The following GPR157 variants were observed in gnomAD, a reference collection of about 807,000 sequenced individuals.
GPR157 encodes the protein G protein-coupled receptor 157.
GPR157 carries 16 observed loss-of-function variants against 23.5 expected under a neutral mutation model. The ratio of observed to expected loss-of-function variants is 0.68; its 90% CI spans 0.46 to 1.04. The LOEUF is 1.04. GPR157 is among the 50% of genes least tolerant of loss of function. The pLI is 0.00. For missense variants in GPR157, 440 were observed against 460.7 expected, an observed-to-expected ratio of 0.96 and a Z score of 0.41; for synonymous variants, 200 against 221.5, an observed-to-expected ratio of 0.90 and a Z score of 0.86.
At chr1:9,106,824 T>G (rs770493491) in intron 2 of GPR157, among the ~76,000 whole-genome samples, 10 of 152,182 alleles carry the variant, frequency 6.6e-5, no homozygotes, top group South Asian at 2.1e-4. Flanking sequence ...ATTAGCTGGT[T>G]GTTGTGGCAC....
At chr1:9,109,835 C>T (rs1638436049) in intron 2 of GPR157, among the ~76,000 whole-genome samples, 2 of 152,086 alleles carry the variant, frequency 1.3e-5, no homozygotes, top group Admixed American at 6.6e-5. Flanking sequence ...AAGGTCTTGA[C>T]GCGAGAAGAC....
intron 1 of GPR157, among the ~76,000 whole-genome samples, chr1:9,121,567 G>T (rs932113498): frequency 6.6e-6 from 1 of 151,972 alleles, no homozygotes; most frequent in African/African-American, 2.4e-5. Flanking sequence ...TTGAACCCAG[G>T]AAGTGGAAGC....
chr1:9,123,797 T>C (rs190652489), intron 1 of GPR157, among the ~76,000 whole-genome samples: 1,999 of 130,280 alleles, frequency 0.015, 59 homozygotes, highest in Middle Eastern at 0.03. Flanking sequence ...TTTAATATTA[T>C]ATATATATAA....
chr1:9,116,860 A>G (rs1014681866), intron 1 of GPR157, among the ~76,000 whole-genome samples: 1 of 151,786 alleles, frequency 6.6e-6, no homozygotes, highest in South Asian at 2.1e-4. Context: ...TCTCACCTCA[A>G]CCTCCTGAGT....
chr1:9,126,252 C>T (rs1638961293), intron 1 of GPR157, among the ~76,000 whole-genome samples: 1 of 152,224 alleles, frequency 6.6e-6, no homozygotes, highest in African/African-American at 2.4e-5. Flanking sequence ...AGCCACCGTG[C>T]CCAACTCTGC....
intron 1 of GPR157, among the ~76,000 whole-genome samples, chr1:9,113,952 A>AC: frequency 8.4e-6 from 1 of 119,696 alleles, no homozygotes; most frequent in Non-Finnish European, 1.7e-5. Flanking sequence ...CAAAAAAAAA[A>AC]CCAAACACAC....
intron 1 of GPR157, among the ~76,000 whole-genome samples, chr1:9,116,730 GAAA>G (rs70985593): frequency 1.6e-5 from 2 of 122,554 alleles, no homozygotes; most frequent in African/African-American, 6.1e-5. Flanking sequence ...GGTGACAGAG[GAAA>G]AAAAAAAAAA....
intron 1 of GPR157, among the ~76,000 whole-genome samples, chr1:9,117,256 C>T (rs1298860258): frequency 6.6e-6 from 1 of 152,072 alleles, no homozygotes; most frequent in Non-Finnish European, 1.5e-5. Context: ...CACTAGCAGA[C>T]ATAGGATAAA....
intron 2 of GPR157, among the ~76,000 whole-genome samples, chr1:9,109,223 T>C (rs990565874): frequency 2.0e-5 from 3 of 150,878 alleles, no homozygotes; most frequent in African/African-American, 7.3e-5. Context: ...GCTGGGATTC[T>C]AGGCACCTGC....
At chr1:9,106,433 A>G (rs1356571272) in intron 2 of GPR157, among the ~76,000 whole-genome samples, 2 of 151,964 alleles carry the variant, frequency 1.3e-5, no homozygotes, top group Non-Finnish European at 2.9e-5. Flanking sequence ...TCCCCACTCC[A>G]CATGCTCCTT....
chr1:9,127,464 C>T (rs982021377), intron 1 of GPR157, among the ~76,000 whole-genome samples: 1 of 152,206 alleles, frequency 6.6e-6, no homozygotes, highest in African/African-American at 2.4e-5. Context: ...CCAGCCATCA[C>T]GGGACCCAGA....
intron 1 of GPR157, among the ~76,000 whole-genome samples, chr1:9,125,921 T>C (rs554432538): frequency 6.6e-6 from 1 of 151,928 alleles, no homozygotes; most frequent in East Asian, 1.9e-4. Context: ...AATAATACTG[T>C]AGAAAAATGC....
At chr1:9,111,049 C>T (rs1431347235) in intron 2 of GPR157, 1 of 598,170 alleles carries the variant, frequency 1.7e-6, no homozygotes, top group Non-Finnish European at 3.1e-6. Flanking sequence ...AAAGGAGTAA[C>T]AGGACCCGGC....
rs1053314206 is a variant in GPR157, at chr1:9,100,734, G to A, written c.*3685C>T. ...ATTAACCACACTAACAGAGGAGAAA[G>A]AAGCCCACTGGGGCTGTGCAAAGTG... On this transcript the variant is annotated 3_prime_UTR_variant, in exon 4 of 4. Transcript: ENST00000377411. The A allele has an allele frequency of 6.6e-6, 1 of 152,296 alleles. No individual in the cohort carries two copies. Among genetic ancestry groups the A allele is most frequent in the African/African-American group, 2.4e-5 (1 of 41,468 alleles). The allele number at this position is 152,296 out of a possible 1,614,324, so 9.4% of individuals were successfully genotyped here.
intron 1 of GPR157, among the ~76,000 whole-genome samples, chr1:9,112,370 C>A (rs1470413732): frequency 3.3e-5 from 5 of 152,138 alleles, no homozygotes. Context: ...TACACAATGG[C>A]GGGGAACAGA....
At chr1:9,119,915 G>A (rs1004184958) in intron 1 of GPR157, among the ~76,000 whole-genome samples, 7 of 152,156 alleles carry the variant, frequency 4.6e-5, no homozygotes, top group Admixed American at 2.6e-4. Context: ...TCGTGGTGTC[G>A]GTCAGATGAC....
chr1:9,123,388 A>C (rs1305253314), intron 1 of GPR157, among the ~76,000 whole-genome samples: 1 of 35,536 alleles, frequency 2.8e-5, no homozygotes, highest in East Asian at 7.7e-4. Context: ...ATATATATTT[A>C]ATTTAAATAT....
At chr1:9,107,041 TTTTA>T (rs1638358282) in intron 2 of GPR157, among the ~76,000 whole-genome samples, 1 of 152,142 alleles carries the variant, frequency 6.6e-6, no homozygotes, top group Non-Finnish European at 1.5e-5. Context: ...ACGTTCCGCT[TTTTA>T]TTTTAGTCTG....
intron 1 of GPR157, among the ~76,000 whole-genome samples, chr1:9,115,346 T>C (rs1638613712): frequency 6.6e-6 from 1 of 152,246 alleles, no homozygotes; most frequent in Non-Finnish European, 1.5e-5. Flanking sequence ...GTCCATTTCA[T>C]GCAGCCAATT....
Sources: allele counts gnomAD v4.1 joint callset (sites outside exome capture counted in the v4.1 genomes callset), GRCh38; gene constraint gnomAD v4.1.1; transcripts MANE v1.5; gene names NCBI Gene and HGNC (gene_info 2026-07-23, HGNC 2026-07-21).